KCNIP4: variants seen among roughly 807,000 people sequenced by gnomAD.
KCNIP4 encodes the protein potassium voltage-gated channel interacting protein 4, also known as Kv channel-interacting protein 4.
A neutral mutation model predicts 34.0 loss-of-function variants in KCNIP4; 12 were observed. That is an observed-to-expected ratio of 0.35 (90% confidence interval 0.23 to 0.57). The LOEUF (loss-of-function observed/expected upper bound fraction) is 0.57. KCNIP4 is among the 20% of genes least tolerant of loss of function. KCNIP4 has a pLI of 0.83. For missense variants in KCNIP4, 238 were observed against 311.7 expected (o/e 0.76, Z 1.78); for synonymous variants, 124 against 102.2 (o/e 1.21, Z -1.29).
chr4:20,818,385 G>A (rs1246728988), intron 3 of KCNIP4, among the ~76,000 whole-genome samples: 2 of 152,134 alleles, frequency 1.3e-5, no homozygotes, highest in African/African-American at 2.4e-5. Flanking sequence ...GAATATTCTG[G>A]TAGATATCAT....
At chr4:21,111,766 G>T (rs1163582704) in intron 1 of KCNIP4, among the ~76,000 whole-genome samples, 1 of 152,192 alleles carries the variant, frequency 6.6e-6, no homozygotes, top group Non-Finnish European at 1.5e-5. Flanking sequence ...TTGCAGGCAG[G>T]AATGAACAGG....
At chr4:21,058,357 G>A (rs1287149076) in intron 1 of KCNIP4, among the ~76,000 whole-genome samples, 1 of 152,118 alleles carries the variant, frequency 6.6e-6, no homozygotes, top group Non-Finnish European at 1.5e-5. Context: ...TGCAAGTGAT[G>A]GGCGCAAAGG....
At chr4:21,028,833 G>C (rs192099021) in intron 1 of KCNIP4, among the ~76,000 whole-genome samples, 1 of 152,286 alleles carries the variant, frequency 6.6e-6, no homozygotes, top group Non-Finnish European at 1.5e-5. Context: ...GGGAAGGATA[G>C]AGATTCTATA....
chr4:21,269,609 G>T (rs917881304), intron 1 of KCNIP4, among the ~76,000 whole-genome samples: 3 of 152,026 alleles, frequency 2.0e-5, no homozygotes, highest in Non-Finnish European at 2.9e-5. Flanking sequence ...TGCCCAGGCT[G>T]ATCTCCAACT....
At chr4:21,521,034 CTTCAA>C (rs1322843803) in intron 1 of KCNIP4, among the ~76,000 whole-genome samples, 1 of 152,074 alleles carries the variant, frequency 6.6e-6, no homozygotes, top group Non-Finnish European at 1.5e-5. Context: ...ACTGCATCTT[CTTCAA>C]TTCATTTGTC....
At chr4:21,536,068 A>AGGG in intron 1 of KCNIP4, among the ~76,000 whole-genome samples, 1 of 152,044 alleles carries the variant, frequency 6.6e-6, no homozygotes, top group African/African-American at 2.4e-5. Context: ...CTCTCACCCA[A>AGGG]ACAAACTCTC....
At chr4:21,895,135 G>T (rs1027779159) in intron 1 of KCNIP4, among the ~76,000 whole-genome samples, 13 of 152,158 alleles carry the variant, frequency 8.5e-5, no homozygotes, top group African/African-American at 3.1e-4. Flanking sequence ...TGATATAGAT[G>T]TCTTGCTAAA....
intron 1 of KCNIP4, among the ~76,000 whole-genome samples, chr4:21,634,242 A>AC (rs1307974155): frequency 2.0e-5 from 3 of 147,012 alleles, no homozygotes; most frequent in Non-Finnish European, 4.5e-5. Flanking sequence ...AAAAAAAAAA[A>AC]AAAAACACAT....
intron 5 of KCNIP4, among the ~76,000 whole-genome samples, chr4:20,739,630 G>A (rs1293819940): frequency 6.6e-6 from 1 of 152,166 alleles, no homozygotes; most frequent in Non-Finnish European, 1.5e-5. Context: ...AAACCAGAAA[G>A]ATGGAGAGAA....
intron 1 of KCNIP4, among the ~76,000 whole-genome samples, chr4:21,434,005 C>A (rs1322641987): frequency 6.6e-6 from 1 of 152,086 alleles, no homozygotes; most frequent in Non-Finnish European, 1.5e-5. Context: ...TCGGTATTTT[C>A]TGGGTTCAAT....
At chr4:20,976,627 CTTA>C (rs1560615761) in intron 1 of KCNIP4, among the ~76,000 whole-genome samples, 3 of 152,002 alleles carry the variant, frequency 2.0e-5, no homozygotes, top group Non-Finnish European at 4.4e-5. Flanking sequence ...TGCCTTCTCC[CTTA>C]TTATGTGAGA....
chr4:21,425,559 AT>A (rs1216167322), intron 1 of KCNIP4, among the ~76,000 whole-genome samples: 1 of 152,194 alleles, frequency 6.6e-6, no homozygotes, highest in Admixed American at 6.5e-5. Context: ...GAATATGCAA[AT>A]TTTTGGAAGA....
At chr4:21,455,808 C>CTTATATAT (rs1491104155) in intron 1 of KCNIP4, among the ~76,000 whole-genome samples, 8 of 71,928 alleles carry the variant, frequency 1.1e-4, no homozygotes, top group Non-Finnish European at 1.7e-4. Flanking sequence ...TACAGATATT[C>CTTATATAT]ATATATATAT....
chr4:21,693,282 T>C (rs1036272878), intron 1 of KCNIP4, among the ~76,000 whole-genome samples: 30 of 152,120 alleles, frequency 2.0e-4, no homozygotes, highest in South Asian at 6.2e-4. Flanking sequence ...TATTTAAGGC[T>C]GGGCACGGTG....
At chr4:20,851,623 T>C (rs1721031031) in intron 2 of KCNIP4, among the ~76,000 whole-genome samples, 1 of 65,876 alleles carries the variant, frequency 1.5e-5, no homozygotes, top group African/African-American at 3.5e-5. Context: ...CCTTCCACAA[T>C]GGTTGAACTA....
At chr4:21,215,427 C>A (rs188406534) in intron 1 of KCNIP4, among the ~76,000 whole-genome samples, 23 of 152,302 alleles carry the variant, frequency 1.5e-4, no homozygotes, top group African/African-American at 5.3e-4. Flanking sequence ...AATGCGTGTT[C>A]TTTTCCTAGT....
intron 1 of KCNIP4, among the ~76,000 whole-genome samples, chr4:21,804,509 G>A (rs1721183286): frequency 6.6e-6 from 1 of 152,130 alleles, no homozygotes; most frequent in African/African-American, 2.4e-5. Context: ...TGACTTGGTT[G>A]TAGAAGTCAT....
intron 1 of KCNIP4, among the ~76,000 whole-genome samples, chr4:21,206,133 G>C (rs141521583): frequency 6.6e-6 from 1 of 152,100 alleles, no homozygotes; most frequent in Non-Finnish European, 1.5e-5. Context: ...TTCCTGTCGC[G>C]TCTAGATAAG....
At chr4:20,895,672 T>A (rs1726434818) in intron 1 of KCNIP4, among the ~76,000 whole-genome samples, 1 of 152,238 alleles carries the variant, frequency 6.6e-6, no homozygotes, top group South Asian at 2.1e-4. Flanking sequence ...TTATTGGATA[T>A]AAGGTAGACC....
Sources: allele counts gnomAD v4.1 joint callset (sites outside exome capture counted in the v4.1 genomes callset), GRCh38; gene constraint gnomAD v4.1.1; transcripts MANE v1.5; gene names NCBI Gene and HGNC (gene_info 2026-07-23, HGNC 2026-07-21).